The following CRISPLD1 variants were observed in gnomAD, a reference collection of about 807,000 sequenced individuals.
CRISPLD1 encodes the protein cysteine-rich secretory protein LCCL domain-containing 1.
In CRISPLD1, 60 loss-of-function variants were observed where a neutral mutation model predicts 77.5. The observed-to-expected ratio is 0.77, with a 90% CI of 0.63 to 0.96. CRISPLD1 has a LOEUF of 0.96. Ranked by LOEUF, CRISPLD1 falls within the 40% of genes least tolerant of loss-of-function variation. The pLI is 0.00. For missense variants in CRISPLD1, 623 were observed against 615.8 expected, an observed-to-expected ratio of 1.01 and a Z score of -0.12; for synonymous variants, 195 against 200.1, an observed-to-expected ratio of 0.97 and a Z score of 0.22.
intron 2 of CRISPLD1, among the ~76,000 whole-genome samples, chr8:75,011,622 A>G (rs1812932727): frequency 6.6e-6 from 1 of 152,190 alleles, no homozygotes; most frequent in Non-Finnish European, 1.5e-5. Flanking sequence ...TTTCACTAAA[A>G]TAACTTAATC....
chr8:74,999,522 G>A (rs1812702071), intron 2 of CRISPLD1, among the ~76,000 whole-genome samples: 1 of 152,108 alleles, frequency 6.6e-6, no homozygotes, highest in Admixed American at 6.5e-5. Context: ...TTTTGATTCA[G>A]TAGTTTTGGG....
intron 2 of CRISPLD1, among the ~76,000 whole-genome samples, chr8:74,992,961 A>G (rs1415233630): frequency 6.6e-6 from 1 of 150,724 alleles, no homozygotes; most frequent in African/African-American, 2.4e-5. Context: ...TAACTCCAGA[A>G]ACTGGACATG....
chr8:74,992,969 A>G (rs1189392179), intron 2 of CRISPLD1, among the ~76,000 whole-genome samples: 2 of 147,660 alleles, frequency 1.4e-5, no homozygotes, highest in East Asian at 4.0e-4. Flanking sequence ...GAAACTGGAC[A>G]TGGGACAACC....
At chr8:75,010,175 CTT>C (rs1812904144) in intron 2 of CRISPLD1, among the ~76,000 whole-genome samples, 1 of 151,988 alleles carries the variant, frequency 6.6e-6, no homozygotes, top group Non-Finnish European at 1.5e-5. Context: ...TGATAATAAA[CTT>C]ATTCTAATTT....
chr8:75,016,962 GA>G (rs1813041336), intron 8 of CRISPLD1, 21 bp downstream of exon 8: 2 of 1,513,928 alleles, frequency 1.3e-6, no homozygotes, highest in African/African-American at 2.8e-5. Flanking sequence ...TTATTATTTT[GA>G]AAATTAATTG....
intron 2 of CRISPLD1, among the ~76,000 whole-genome samples, chr8:75,004,844 ATTATAT>A (rs1812801893): frequency 6.6e-6 from 1 of 152,156 alleles, no homozygotes; most frequent in African/African-American, 2.4e-5. Flanking sequence ...TGTGCAAAAA[ATTATAT>A]TTAGAAGTCT....
intron 2 of CRISPLD1, among the ~76,000 whole-genome samples, chr8:74,993,107 A>C (rs1446483080): frequency 6.6e-6 from 1 of 152,158 alleles, no homozygotes; most frequent in Non-Finnish European, 1.5e-5. Flanking sequence ...ATATGTCCAG[A>C]ATAAATGTAG....
chr8:74,993,085 G>T (rs1405428141), intron 2 of CRISPLD1, among the ~76,000 whole-genome samples: 1 of 151,904 alleles, frequency 6.6e-6, no homozygotes, highest in Admixed American at 6.6e-5. Flanking sequence ...AACATTATTT[G>T]CTATCAGCGG....
intron 2 of CRISPLD1, among the ~76,000 whole-genome samples, chr8:75,007,367 A>G (rs985864264): frequency 6.6e-6 from 1 of 152,158 alleles, no homozygotes; most frequent in Admixed American, 6.6e-5. Flanking sequence ...CTGCTGGCCT[A>G]AATTACATTC....
rs1372292463 is a variant in CRISPLD1, at chr8:75,012,522, T to C, written c.348T>C (p.Ile116=). 1.9e-6 allele frequency: 3 copies of C among 1,612,182 alleles called. No homozygotes were observed. Among genetic ancestry groups the C allele is most frequent in the African/African-American group, 2.7e-5 (2 of 74,836 alleles). ...EHGPASLLPS[I]GQNLGAHWGR... is the part of the protein sequence containing the mutation. ...GACCTGCAAGCTTGCTTCCATCAAT[T>C]GGACAGAATTTGGGAGCACACTGGG... The change falls in exon 3 of 15, where the codon ATT becomes ATC. Residue 116 remains isoleucine, a synonymous_variant. Coordinates refer to ENST00000262207, the MANE Select transcript of CRISPLD1 (RefSeq NM_031461.6).
intron 12 of CRISPLD1, among the ~76,000 whole-genome samples, chr8:75,021,293 A>G (rs780476516): frequency 6.6e-6 from 1 of 152,150 alleles, no homozygotes; most frequent in Non-Finnish European, 1.5e-5. Flanking sequence ...AGAGTACTTC[A>G]TTTTCTGTCA....
chr8:74,997,055 G>C (rs1219272444), intron 2 of CRISPLD1, among the ~76,000 whole-genome samples: 4 of 152,042 alleles, frequency 2.6e-5, no homozygotes, highest in Non-Finnish European at 2.9e-5. Flanking sequence ...ATAAAAATTT[G>C]TTTTATTTTG....
In CRISPLD1 at chr8:75,019,995, T is replaced by C. The variant is rs1446656725; in HGVS notation, c.1172-12T>C. 1 of 1,613,888 alleles carries C rather than the reference T, an allele frequency of 6.2e-7. No individual in the cohort carries two copies. The highest frequency in any genetic ancestry group is 2.2e-5 in the East Asian group (1 of 44,878). On this transcript the variant is annotated splice_polypyrimidine_tract_variant and intron_variant, in intron 11 of 14. Transcript: ENST00000262207. ...AAGGATTCACTCATTGTTTTGTGTT[T>C]TAATTCTTCAGTTCAGGCTGTGACT...
intron 2 of CRISPLD1, among the ~76,000 whole-genome samples, chr8:75,010,617 A>C (rs1399477184): frequency 1.3e-5 from 2 of 152,096 alleles, no homozygotes; most frequent in Admixed American, 6.6e-5. Context: ...GTTTTCTGTC[A>C]TTCACACTTG....
intron 2 of CRISPLD1, among the ~76,000 whole-genome samples, chr8:74,987,074 A>G (rs1227595543): frequency 6.6e-6 from 1 of 152,212 alleles, no homozygotes; most frequent in African/African-American, 2.4e-5. Flanking sequence ...AACATTGGAA[A>G]TGGCATTTTC....
chr8:75,031,564 GCT>G (rs151308759), intron 14 of CRISPLD1, among the ~76,000 whole-genome samples: 45,227 of 146,948 alleles, frequency 0.31, 8,035 homozygotes, highest in African/African-American at 0.53. Flanking sequence ...GAGATTGAAT[GCT>G]CTGTGTGTGT....
chr8:75,006,342 CA>C (rs1427920927), intron 2 of CRISPLD1, among the ~76,000 whole-genome samples: 1 of 152,068 alleles, frequency 6.6e-6, no homozygotes, highest in Non-Finnish European at 1.5e-5. Context: ...ATCAGTTTTG[CA>C]AAAAGTTGTA....
chr8:75,032,163 AC>A (rs758402824), intron 14 of CRISPLD1, 27 bp from the exon 15 acceptor site: 28 of 1,498,410 alleles, frequency 1.9e-5, no homozygotes, highest in Non-Finnish European at 2.4e-5. Flanking sequence ...ACATCAATAT[AC>A]TTTTCATATA....
intron 9 of CRISPLD1, 82 bp downstream of exon 9, chr8:75,017,195 C>T: frequency 6.7e-7 from 1 of 1,502,662 alleles, no homozygotes; most frequent in Non-Finnish European, 9.2e-7. Flanking sequence ...TAACACCTTA[C>T]ATAAGTATAG....
Sources: allele counts gnomAD v4.1 joint callset (sites outside exome capture counted in the v4.1 genomes callset), GRCh38; gene constraint gnomAD v4.1.1; transcripts MANE v1.5; gene names NCBI Gene and HGNC (gene_info 2026-07-23, HGNC 2026-07-21).